The following PRRX2 variants were observed in gnomAD, a reference collection of about 807,000 sequenced individuals.
PRRX2 encodes paired mesoderm homeobox protein 2.
A neutral mutation model predicts 18.0 loss-of-function variants in PRRX2; 11 were observed. That is an observed-to-expected ratio of 0.61 (90% CI 0.39 to 1.01). PRRX2 has a LOEUF of 1.01. PRRX2 is among the 50% of genes least tolerant of loss of function. The pLI, the probability that PRRX2 is intolerant of heterozygous loss-of-function variation, is 0.01. For synonymous variants in PRRX2, 177 were observed against 154.8 expected, an observed-to-expected ratio of 1.14 and a Z score of -1.06; for missense variants, 387 against 351.0, an observed-to-expected ratio of 1.10 and a Z score of -0.82.
chr9:129,720,093 G>A lies in PRRX2; in HGVS notation c.448-503G>A, dbSNP rs191570482. ...TAAAGAAGTCCTTTTCCAGTTTCAAGTTCTTAACTCTGTGCCAGCACTGAG... is the reference window on the plus strand; with the variant it reads ...TAAAGAAGTCCTTTTCCAGTTTCAAATTCTTAACTCTGTGCCAGCACTGAG... On this transcript the variant is annotated intron_variant, in intron 2 of 3. Coordinates refer to ENST00000372469, the MANE Select transcript of PRRX2 (RefSeq NM_016307.4). Among the ~76,000 whole-genome samples the A allele has an allele frequency of 2.3e-3, 326 of 139,108 alleles. 2 individuals carry two copies. Among genetic ancestry groups the A allele is most frequent in the African/African-American group, 0.01 (315 of 30,886 alleles). The allele number at this position is 139,108 out of a possible 152,430, so 91.3% of individuals were successfully genotyped here. A position where few individuals can be genotyped will look rare whatever the true frequency, so the allele number is the denominator to read the frequency against.
chr9:129,722,147 G>A (rs71499481), intron 3 of PRRX2, 70 bp from the exon 4 acceptor site: 1 of 1,561,064 alleles, frequency 6.4e-7, no homozygotes, highest in Non-Finnish European at 8.7e-7. Context: ...CAGGACCAGA[G>A]GCTGGGGTCG....
At chr9:129,684,151 T>C (rs980970435) in intron 1 of PRRX2, among the ~76,000 whole-genome samples, 11 of 152,114 alleles carry the variant, frequency 7.2e-5, no homozygotes, top group African/African-American at 2.4e-4. Context: ...GCCACACTAC[T>C]CTAGTTCTGC....
chr9:129,701,445 C>T (rs77684937), intron 1 of PRRX2, among the ~76,000 whole-genome samples: 1,823 of 152,310 alleles, frequency 0.012, 30 homozygotes, highest in African/African-American at 0.042. Flanking sequence ...ACAGAGCTCA[C>T]AGAGCTGGCA....
At chr9:129,678,809 A>G (rs1280671271) in intron 1 of PRRX2, among the ~76,000 whole-genome samples, 1 of 152,044 alleles carries the variant, frequency 6.6e-6, no homozygotes, top group Non-Finnish European at 1.5e-5. Flanking sequence ...GCTCTCAGTG[A>G]GCATCTCTTA....
intron 1 of PRRX2, among the ~76,000 whole-genome samples, chr9:129,670,938 T>C (rs1832092116): frequency 6.6e-6 from 1 of 152,090 alleles, no homozygotes; most frequent in African/African-American, 2.4e-5. Flanking sequence ...TTCTTTGGGG[T>C]GCTGGGATGC....
intron 1 of PRRX2, among the ~76,000 whole-genome samples, chr9:129,677,958 C>CTTTTTTTTTTT (rs760645440): frequency 1.3e-4 from 15 of 113,114 alleles, no homozygotes; most frequent in African/African-American, 3.2e-4. Context: ...TTCTTTCTTT[C>CTTTTTTTTTTT]TTTTTTTTTT....
intron 1 of PRRX2, among the ~76,000 whole-genome samples, chr9:129,689,613 G>A (rs568157761): frequency 9.2e-5 from 14 of 152,060 alleles, no homozygotes; most frequent in African/African-American, 3.4e-4. Flanking sequence ...ACTTGGTGTC[G>A]CCAGTGAGTG....
rs1564147444 is a variant in PRRX2, at chr9:129,684,513, CACACACACACCCACACACA to C, written c.259+18388_259+18406del. The stretch of plus-strand genomic sequence containing the variant: ...ACACACACACACACACACACACACA[CACACACACACCCACACACA>C]CCCCAACAGAAAAGAGACCAGAAAT... On this transcript the variant is annotated intron_variant, in intron 1 of 3. Transcript: ENST00000372469. Among the ~76,000 whole-genome samples, 112 of 44,294 alleles carry C rather than the reference CACACACACACCCACACACA, an allele frequency of 2.5e-3. 3 individuals are homozygous for C. In the South Asian group the frequency reaches 0.043, roughly 17 times the overall value. 29.1% of individuals were successfully genotyped at this position (44,294 alleles called of 152,430 possible).
At chr9:129,666,569 C>CCG (rs1832026660) in intron 1 of PRRX2, among the ~76,000 whole-genome samples, 3 of 105,658 alleles carry the variant, frequency 2.8e-5, no homozygotes, top group African/African-American at 4.9e-5. Flanking sequence ...GGGTGCCTGC[C>CCG]CACCCCCCCC....
intron 1 of PRRX2, among the ~76,000 whole-genome samples, chr9:129,672,218 G>C (rs78143658): frequency 0.052 from 7,938 of 152,236 alleles, 520 homozygotes; most frequent in East Asian, 0.35. Context: ...CAGAGGCTGC[G>C]CCAGTGGAGC....
At position 129,679,488 on chromosome 9, in the gene PRRX2, C is replaced by T. The variant is rs1034869565; in HGVS notation, c.259+13362C>T. On this transcript the variant is annotated intron_variant, in intron 1 of 3. Coordinates refer to ENST00000372469, the MANE Select transcript of PRRX2 (RefSeq NM_016307.4). ...CCTCCCAAACATTCTAGAAGGCAGG[C>T]GGTTTTATGACCCCATTTTCTAGGT... Among the ~76,000 whole-genome samples the T allele has an allele frequency of 8.5e-5, 13 of 152,294 alleles. No individual in the cohort carries two copies. In the South Asian group the frequency reaches 1.7e-3, roughly 19 times the overall value.
intron 1 of PRRX2, among the ~76,000 whole-genome samples, chr9:129,689,528 T>A (rs1832333836): frequency 6.6e-6 from 1 of 152,132 alleles, no homozygotes; most frequent in Non-Finnish European, 1.5e-5. Context: ...ATACCAAGGC[T>A]TATTTGGGAC....
At chr9:129,693,401 C>T (rs1315357487) in intron 1 of PRRX2, among the ~76,000 whole-genome samples, 1 of 152,144 alleles carries the variant, frequency 6.6e-6, no homozygotes, top group African/African-American at 2.4e-5. Context: ...CAAGACAAGC[C>T]TGGCCAACAT....
rs1485703471 is a variant in PRRX2 at position 129,695,009 on chromosome 9, C to CGA, written c.260-24220_260-24219dup. 1.3e-5 allele frequency among the ~76,000 whole-genome samples: 2 copies of CGA among 152,092 alleles called. No homozygotes were observed. Among genetic ancestry groups the CGA allele is most frequent in the African/African-American group, 4.8e-5 (2 of 41,418 alleles). On this transcript the variant is annotated intron_variant, in intron 1 of 3. Transcript: ENST00000372469. This position sits in a 1 kb window ranked among gnomAD's most constrained non-coding sequence, Gnocchi z 4.8. ...GGCTCACCATGGAGGAGGAATGGGG[C>CGA]GAGCTGCAGGCTGGCTCAGAGGGGT...
At chr9:129,699,439 ATG>A (rs3138854) in intron 1 of PRRX2, among the ~76,000 whole-genome samples, 4,990 of 145,304 alleles carry the variant, frequency 0.034, 90 homozygotes, top group South Asian at 0.092. Context: ...AAATATATAT[ATG>A]TGTGTGTGTG....
intron 1 of PRRX2, among the ~76,000 whole-genome samples, chr9:129,684,517 CA>C (rs773542943): frequency 0.13 from 5,719 of 42,984 alleles, 255 homozygotes; most frequent in East Asian, 0.36. Flanking sequence ...CACACACACA[CA>C]CACACCCACA....
chr9:129,714,421 T>G (rs1272511951), intron 1 of PRRX2, among the ~76,000 whole-genome samples: 25 of 141,086 alleles, frequency 1.8e-4, no homozygotes, highest in African/African-American at 6.2e-4. Flanking sequence ...AAAAAAAAAG[T>G]AATAAAATAA....
At chr9:129,677,401 G>C (rs1832173385) in intron 1 of PRRX2, among the ~76,000 whole-genome samples, 1 of 152,256 alleles carries the variant, frequency 6.6e-6, no homozygotes, top group Non-Finnish European at 1.5e-5. Context: ...TCACGCCGGT[G>C]CCTCAGATGG....
Position 129,695,754 on chromosome 9 carries a change from C to T in PRRX2, c.260-23477C>T, listed in dbSNP as rs544250427. 1.6e-4 allele frequency among the ~76,000 whole-genome samples: 25 copies of T among 152,320 alleles called. No homozygotes were observed. Among genetic ancestry groups the T allele is most frequent in the East Asian group, 5.8e-4 (3 of 5,188 alleles). ...CATTATGGGCCTCACTACCTTTAGG[C>T]GGGGAACTTTTTAAAAGTGAGTTTT... On this transcript the variant is annotated intron_variant, in intron 1 of 3. Coordinates refer to ENST00000372469, the MANE Select transcript of PRRX2 (RefSeq NM_016307.4). The surrounding 1 kb of genome is among the most constrained non-coding windows in gnomAD (Gnocchi z 4.8).
Sources: allele counts gnomAD v4.1 joint callset (sites outside exome capture counted in the v4.1 genomes callset), GRCh38; gene constraint gnomAD v4.1.1; non-coding constraint Gnocchi (gnomAD v3.1); transcripts MANE v1.5; gene names NCBI Gene and HGNC (gene_info 2026-07-23, HGNC 2026-07-21).